Variants in PTGFRN observed in about 807,000 individuals in gnomAD.
The protein encoded by PTGFRN is prostaglandin F2 receptor negative regulator.
In PTGFRN, 35 loss-of-function variants were observed where a neutral mutation model predicts 83.2. That is an observed-to-expected ratio of 0.42 (90% CI 0.32 to 0.56). The LOEUF (loss-of-function observed/expected upper bound fraction) is 0.56, where lower values mean the gene tolerates loss of function less well. Among genes scored for constraint, PTGFRN ranks in the 20% least tolerant of loss-of-function variants. The pLI is 0.11. For synonymous variants in PTGFRN, 519 were observed against 498.6 expected, an observed-to-expected ratio of 1.04 and a Z score of -0.55; for missense variants, 1,051 against 1,179.5, an observed-to-expected ratio of 0.89 and a Z score of 1.60.
chr1:116,980,502 A>G (rs1465891356), intron 7 of PTGFRN, among the ~76,000 whole-genome samples: 1 of 152,242 alleles, frequency 6.6e-6, no homozygotes, highest in Non-Finnish European at 1.5e-5. Flanking sequence ...TGGCACATAT[A>G]CACCATGGAA....
chr1:116,927,468 C>T (rs1253621703), intron 1 of PTGFRN, among the ~76,000 whole-genome samples: 1 of 150,428 alleles, frequency 6.6e-6, no homozygotes, highest in East Asian at 1.9e-4. Flanking sequence ...GAAGAAGTAC[C>T]GTGCATTTTT....
chr1:116,986,758 C>T (rs375192839), intron 8 of PTGFRN, 43 bp from the exon 9 acceptor site: 10 of 1,597,992 alleles, frequency 6.3e-6, no homozygotes, highest in Non-Finnish European at 8.6e-6. Flanking sequence ...AGCGGCCTCC[C>T]TCGCAGCACT....
At chr1:116,928,898 A>C (rs1301768590) in intron 1 of PTGFRN, among the ~76,000 whole-genome samples, 1 of 152,076 alleles carries the variant, frequency 6.6e-6, no homozygotes, top group Non-Finnish European at 1.5e-5. Flanking sequence ...AAGTGACCCC[A>C]GGCAACCTGT....
intron 4 of PTGFRN, among the ~76,000 whole-genome samples, chr1:116,960,948 C>CT (rs1395811070): frequency 1.3e-5 from 2 of 152,212 alleles, no homozygotes; most frequent in Non-Finnish European, 2.9e-5. Flanking sequence ...CTTGGGGAAA[C>CT]TGACAGCAGA....
At chr1:116,962,456 C>T (rs939465874) in intron 5 of PTGFRN, 1 of 152,254 alleles carries the variant, frequency 6.6e-6, no homozygotes, top group South Asian at 2.1e-4. Flanking sequence ...CGGGTTCCAC[C>T]AGAAATTCTA....
chr1:116,935,122 A>G (rs1196662521), intron 1 of PTGFRN, among the ~76,000 whole-genome samples: 1 of 152,276 alleles, frequency 6.6e-6, no homozygotes. Context: ...CCTTCAATGT[A>G]TCTTTCATGT....
chr1:116,931,088 A>G (rs1362121133), intron 1 of PTGFRN, among the ~76,000 whole-genome samples: 1 of 152,230 alleles, frequency 6.6e-6, no homozygotes, highest in Non-Finnish European at 1.5e-5. Context: ...TCAAAAATCC[A>G]AAATTGGAAA....
chr1:116,982,994 G>T (rs1651363952), intron 7 of PTGFRN, among the ~76,000 whole-genome samples: 1 of 152,210 alleles, frequency 6.6e-6, no homozygotes, highest in African/African-American at 2.4e-5. Context: ...CTTCCCCTTA[G>T]CAGGTCTGTG....
chr1:116,915,858 A>C (rs907623487), intron 1 of PTGFRN, among the ~76,000 whole-genome samples: 2 of 151,980 alleles, frequency 1.3e-5, no homozygotes, highest in East Asian at 3.9e-4. Context: ...GGGTCATTTG[A>C]CTCTGCTTTG....
intron 8 of PTGFRN, among the ~76,000 whole-genome samples, chr1:116,985,502 G>C (rs1216441324): frequency 6.6e-6 from 1 of 152,046 alleles, no homozygotes; most frequent in African/African-American, 2.4e-5. Flanking sequence ...TTCGAGACCT[G>C]CCTGGCCAAC....
chr1:116,986,170 G>C lies in PTGFRN; in HGVS notation c.2474-631G>C, dbSNP rs373912977. Among the ~76,000 whole-genome samples the C allele has an allele frequency of 2.3e-5, 3 of 131,752 alleles. No individual in the cohort carries two copies. The East Asian group carries it at 7.3e-4, about 32-fold the overall frequency. The allele number at this position is 131,752 out of a possible 152,430, so 86.4% of individuals were successfully genotyped here. On this transcript the variant is annotated intron_variant, in intron 8 of 8. Coordinates refer to ENST00000393203, the MANE Select transcript of PTGFRN (RefSeq NM_020440.4). ...ACGTAAAGCACCTAGCCCAGTGGCAGCGTCCACCCAAGGAGCATGGGTACT... is the reference window on the plus strand; with the variant it reads ...ACGTAAAGCACCTAGCCCAGTGGCACCGTCCACCCAAGGAGCATGGGTACT...
At chr1:116,949,614 C>T in intron 4 of PTGFRN, 42 bp downstream of exon 4, 1 of 1,571,392 alleles carries the variant, frequency 6.4e-7, no homozygotes, top group Non-Finnish European at 8.6e-7. Flanking sequence ...TTCAGCTTAA[C>T]CCCTCCTCGG....
chr1:116,940,398 A>C (rs760325084), intron 1 of PTGFRN, among the ~76,000 whole-genome samples: 7 of 152,046 alleles, frequency 4.6e-5, no homozygotes, highest in African/African-American at 1.5e-4. Flanking sequence ...TGTGTGTCCA[A>C]ATTACCCACT....
At chr1:116,911,771 G>A (rs959652591) in intron 1 of PTGFRN, among the ~76,000 whole-genome samples, 1 of 152,230 alleles carries the variant, frequency 6.6e-6, no homozygotes, top group Non-Finnish European at 1.5e-5. Context: ...GTCTCCTGAA[G>A]TGCTGGAATT....
At chr1:116,946,810 T>C (rs773989490) in intron 3 of PTGFRN, among the ~76,000 whole-genome samples, 1 of 152,238 alleles carries the variant, frequency 6.6e-6, no homozygotes, top group Non-Finnish European at 1.5e-5. Flanking sequence ...AAAATACTTG[T>C]AAAGCAAATT....
Position 116,984,788 on chromosome 1 carries a change from G to C in PTGFRN, c.2276G>C (p.Arg759Pro). 6.2e-7 allele frequency: 1 copy of C among 1,614,064 alleles called. No homozygotes were observed. Among genetic ancestry groups the C allele is most frequent in the Non-Finnish European group, 8.5e-7 (1 of 1,180,012 alleles). ...LDRKGIVTTS[R>P]RDWKSDLSLE... ...CGGAAGGGCATCGTGACCACCTCCC[G>C]GAGGGACTGGAAGAGCGACCTCAGC... is the stretch of plus-strand genomic sequence containing the variant. Residue 759 changes from arginine to proline, a missense_variant, in exon 8 of 9, where the codon CGG becomes CCG. Arg to Pro is a moderately radical substitution (Grantham distance 103). This residue lies in a region of PTGFRN where 719 missense variants were observed against 836.6 expected (regional missense o/e 0.86). Transcript: ENST00000393203.
Position 116,987,653 on chromosome 1 carries a change from C to T in PTGFRN, c.*686C>T, listed in dbSNP as rs1451839320. On this transcript the variant is annotated 3_prime_UTR_variant, in exon 9 of 9. Coordinates refer to ENST00000393203, the MANE Select transcript of PTGFRN (RefSeq NM_020440.4). ...TTCTGTGAGAGCACTGAAATGGCAG[C>T]CCTGGAATCTACAATTTGGCTCTCC... The T allele has an allele frequency of 4.6e-5, 7 of 151,564 alleles. No individual in the cohort carries two copies. The highest frequency in any genetic ancestry group is 1.7e-4 in the African/African-American group (7 of 40,952). The allele number at this position is 151,564 out of a possible 1,614,324, so 9.4% of individuals were successfully genotyped here.
In PTGFRN at chr1:116,923,507, C is replaced by T. The variant is rs1315082363; in HGVS notation, c.49+13255C>T. 6.6e-6 allele frequency among the ~76,000 whole-genome samples: 1 copy of T among 152,128 alleles called. No individual in the cohort carries two copies. Among genetic ancestry groups the T allele is most frequent in the Non-Finnish European group, 1.5e-5 (1 of 68,030 alleles). On this transcript the variant is annotated intron_variant, in intron 1 of 8. Coordinates refer to ENST00000393203, the MANE Select transcript of PTGFRN (RefSeq NM_020440.4). This position sits in a 1 kb window ranked among gnomAD's most constrained non-coding sequence, Gnocchi z 4.0. ...TTTCCTTGGCAGCTTGGGTGGAAGA[C>T]AGATGACTCATGAGTTCTCATTATT...
intron 6 of PTGFRN, among the ~76,000 whole-genome samples, chr1:116,971,270 A>C (rs1470816837): frequency 1.3e-5 from 2 of 151,762 alleles, no homozygotes; most frequent in Non-Finnish European, 2.9e-5. Context: ...GACTTTACAT[A>C]CTTGAATTTG....
Sources: gnomAD v4.1 joint callset for allele counts (sites outside exome capture counted in the v4.1 genomes callset) on GRCh38, gnomAD v4.1.1 for gene constraint, gnomAD v4.1.1 regional missense constraint, Gnocchi (gnomAD v3.1) non-coding constraint, MANE v1.5 for transcripts, NCBI Gene and HGNC (gene_info 2026-07-23, HGNC 2026-07-21) for gene names.